The following MYO1B variants were observed in gnomAD, a reference collection of about 807,000 sequenced individuals.
MYO1B encodes myosin IB, also known as unconventional myosin-Ib.
A neutral mutation model predicts 159.7 loss-of-function variants in MYO1B; 72 were observed. That is an observed-to-expected ratio of 0.45 (90% confidence interval 0.37 to 0.55). MYO1B has a LOEUF of 0.55. Among genes scored for constraint, MYO1B ranks in the 20% least tolerant of loss-of-function variants. MYO1B has a pLI of 0.00. For missense variants in MYO1B, 1,062 were observed against 1,364.8 expected, an observed-to-expected ratio of 0.78 and a Z score of 3.50; for synonymous variants, 468 against 473.8, an observed-to-expected ratio of 0.99 and a Z score of 0.16.
chr2:191,308,673 C>A (rs1210075378), intron 3 of MYO1B, among the ~76,000 whole-genome samples: 1 of 152,126 alleles, frequency 6.6e-6, no homozygotes, highest in Non-Finnish European at 1.5e-5. Flanking sequence ...GTTGGGTATG[C>A]TTATTGTCTC....
At chr2:191,278,929 A>T (rs914152371) in intron 2 of MYO1B, among the ~76,000 whole-genome samples, 1 of 152,264 alleles carries the variant, frequency 6.6e-6, no homozygotes, top group Non-Finnish European at 1.5e-5. Flanking sequence ...GAGAAGCACA[A>T]TTCACTTTTA....
intron 30 of MYO1B, among the ~76,000 whole-genome samples, chr2:191,418,481 G>GGTTTT: frequency 3.0e-5 from 1 of 33,310 alleles, no homozygotes; most frequent in Non-Finnish European, 8.6e-5. Flanking sequence ...CTCTTTAGTG[G>GGTTTT]ATTTTTTTTT....
intron 3 of MYO1B, among the ~76,000 whole-genome samples, chr2:191,315,377 T>G (rs1348852481): frequency 1.3e-5 from 2 of 152,214 alleles, no homozygotes; most frequent in Non-Finnish European, 2.9e-5. Flanking sequence ...TTCAAAATAG[T>G]AAGCTGCACA....
chr2:191,280,585 G>A (rs908217620), intron 2 of MYO1B, among the ~76,000 whole-genome samples: 1 of 152,160 alleles, frequency 6.6e-6, no homozygotes, highest in African/African-American at 2.4e-5. Context: ...GGCTGCCGGA[G>A]TCACACTCCC....
intron 1 of MYO1B, chr2:191,245,967 C>G (rs1477267259): frequency 6.6e-6 from 1 of 152,364 alleles, no homozygotes; most frequent in East Asian, 1.9e-4. Context: ...CCCACAGCCC[C>G]TCCATTCCTC....
At chr2:191,327,184 A>G (rs1253398156) in intron 3 of MYO1B, among the ~76,000 whole-genome samples, 1 of 152,196 alleles carries the variant, frequency 6.6e-6, no homozygotes, top group Non-Finnish European at 1.5e-5. Context: ...AGCTCACTCC[A>G]GTAGGGACTT....
In MYO1B at chr2:191,261,363, G is replaced by A. The variant is rs192821431; in HGVS notation, c.-9-15524G>A. ...GCTAATTTAGGAGTGGCTGAGATAA[G>A]TAAAAAATTTGGGGGATCATAAAAT... On this transcript the variant is annotated intron_variant, in intron 1 of 30. Transcript: ENST00000392318. Among the ~76,000 whole-genome samples, 101 of 152,296 alleles carry A rather than the reference G, an allele frequency of 6.6e-4. No individual in the cohort carries two copies. The Middle Eastern group carries it at 0.017, about 26-fold the overall frequency.
intron 3 of MYO1B, among the ~76,000 whole-genome samples, chr2:191,321,292 C>T (rs2125893625): frequency 6.6e-6 from 1 of 152,258 alleles, no homozygotes; most frequent in African/African-American, 2.4e-5. Flanking sequence ...TGTAGAGTAA[C>T]TTCTCTTGGG....
At chr2:191,292,932 T>C (rs148225583) in intron 2 of MYO1B, among the ~76,000 whole-genome samples, 194 of 152,352 alleles carry the variant, frequency 1.3e-3, no homozygotes, top group African/African-American at 4.4e-3. Flanking sequence ...GAATCACTCA[T>C]GTGGCCTTAG....
rs1695047883 is a variant in MYO1B at position 191,381,668 on chromosome 2, C to A, written c.1290+102C>A. 6.1e-5 allele frequency: 48 copies of A among 787,796 alleles called. 1 individual carries two copies. In the South Asian group the frequency reaches 8.0e-4, roughly 13 times the overall value. 48.8% of individuals were successfully genotyped at this position (787,796 alleles called of 1,614,324 possible). A position where few individuals can be genotyped will look rare whatever the true frequency, so the allele number is the denominator to read the frequency against. ...TAAACAAGAAGCCATATTCAAAAGGCTACATACTGTATGATTCCATCTGTC... is the reference window on the plus strand; with the variant it reads ...TAAACAAGAAGCCATATTCAAAAGGATACATACTGTATGATTCCATCTGTC... On this transcript the variant is annotated intron_variant, in intron 14 of 30. Coordinates refer to ENST00000392318, the MANE Select transcript of MYO1B (RefSeq NM_001130158.3).
chr2:191,269,605 G>A (rs1687340967), intron 1 of MYO1B, among the ~76,000 whole-genome samples: 1 of 152,216 alleles, frequency 6.6e-6, no homozygotes, highest in African/African-American at 2.4e-5. Flanking sequence ...AAAGGCACTG[G>A]AGAGTTATTG....
At chr2:191,358,414 G>A (rs964954274) in intron 7 of MYO1B, among the ~76,000 whole-genome samples, 2 of 152,194 alleles carry the variant, frequency 1.3e-5, no homozygotes, top group African/African-American at 4.8e-5. Context: ...GATCATATCA[G>A]TGTGTGCAGT....
chr2:191,347,946 G>C (rs1367334947), intron 6 of MYO1B, among the ~76,000 whole-genome samples: 5 of 152,184 alleles, frequency 3.3e-5, no homozygotes, highest in Admixed American at 3.3e-4. Flanking sequence ...GATAGACCCT[G>C]CTATGTTGTA....
intron 3 of MYO1B, among the ~76,000 whole-genome samples, chr2:191,324,324 TG>T (rs1169687489): frequency 6.6e-6 from 1 of 152,148 alleles, no homozygotes; most frequent in Non-Finnish European, 1.5e-5. Context: ...CTTTGTTTTT[TG>T]TTTCCCTATT....
At chr2:191,421,270 G>A (rs570295083) in intron 30 of MYO1B, among the ~76,000 whole-genome samples, 12 of 151,404 alleles carry the variant, frequency 7.9e-5, no homozygotes, top group Non-Finnish European at 8.8e-5. Context: ...AGGTTTCACC[G>A]TCTTGGCCAG....
At chr2:191,255,555 GAATGAC>G (rs1322262496) in intron 1 of MYO1B, among the ~76,000 whole-genome samples, 1 of 152,198 alleles carries the variant, frequency 6.6e-6, no homozygotes, top group Non-Finnish European at 1.5e-5. Flanking sequence ...ACTCTACTCT[GAATGAC>G]ACAAAGATGG....
Position 191,248,012 on chromosome 2 carries a change from A to G in MYO1B, c.-10+2386A>G, listed in dbSNP as rs142865924. ...ATGGGGAAGAAGAGGGAGTGAGGTGAGTGGGTGGTGTTTGGCTAAGAAGGG... is the reference window on the plus strand; with the variant it reads ...ATGGGGAAGAAGAGGGAGTGAGGTGGGTGGGTGGTGTTTGGCTAAGAAGGG... On this transcript the variant is annotated intron_variant, in intron 1 of 30. Coordinates refer to ENST00000392318, the MANE Select transcript of MYO1B (RefSeq NM_001130158.3). 3.4e-4 allele frequency: 334 copies of G among 985,424 alleles called. 1 individual carries two copies. The East Asian group carries it at 0.011, about 32-fold the overall frequency. 61.0% of individuals were successfully genotyped at this position (985,424 alleles called of 1,614,324 possible). A position where few individuals can be genotyped will look rare whatever the true frequency, so the allele number is the denominator to read the frequency against.
chr2:191,398,951 G>A (rs1296710063), intron 21 of MYO1B, among the ~76,000 whole-genome samples: 2 of 152,168 alleles, frequency 1.3e-5, no homozygotes, highest in African/African-American at 2.4e-5. Context: ...CTGAGATCAC[G>A]CCACTGCACT....
chr2:191,349,141 C>T (rs1041334735), intron 6 of MYO1B, among the ~76,000 whole-genome samples: 2 of 152,198 alleles, frequency 1.3e-5, no homozygotes, highest in African/African-American at 4.8e-5. Flanking sequence ...AGACAGTAAG[C>T]TCCTTGAAGG....
Sources: allele counts gnomAD v4.1 joint callset (sites outside exome capture counted in the v4.1 genomes callset), GRCh38; gene constraint gnomAD v4.1.1; transcripts MANE v1.5; gene names NCBI Gene and HGNC (gene_info 2026-07-23, HGNC 2026-07-21).